Variants in PANX1 observed in about 807,000 individuals in gnomAD.
PANX1 encodes the protein pannexin 1.
Under a neutral mutation model 38.7 loss-of-function variants are expected in PANX1, and 30 were observed. The observed-to-expected ratio is 0.78, with a 90% CI of 0.58 to 1.05. PANX1 has a LOEUF of 1.05. Ranked by LOEUF, PANX1 falls within the 50% of genes least tolerant of loss-of-function variation. PANX1 has a pLI of 0.00. For synonymous variants in PANX1, 230 were observed against 212.2 expected, an observed-to-expected ratio of 1.08 and a Z score of -0.73; for missense variants, 551 against 517.2, an observed-to-expected ratio of 1.07 and a Z score of -0.63.
chr11:94,177,531 A>G (rs1234084158), intron 2 of PANX1, among the ~76,000 whole-genome samples: 2 of 152,170 alleles, frequency 1.3e-5, no homozygotes, highest in African/African-American at 2.4e-5. Context: ...CCAAGGCCGC[A>G]ATGCTGAGCT....
intron 2 of PANX1, among the ~76,000 whole-genome samples, chr11:94,163,896 C>T (rs1947074636): frequency 6.6e-6 from 1 of 152,110 alleles, no homozygotes; most frequent in Non-Finnish European, 1.5e-5. Flanking sequence ...TTATTACTGC[C>T]TCTCCCTTGT....
chr11:94,129,503 G>A lies in PANX1; in HGVS notation c.181+10G>A, dbSNP rs371580391. 1.2e-6 allele frequency: 2 copies of A among 1,601,192 alleles called. No individual in the cohort carries two copies. Among genetic ancestry groups the A allele is most frequent in the South Asian group, 2.2e-5 (2 of 89,896 alleles). On this transcript the variant is annotated intron_variant, in intron 1 of 4. Transcript: ENST00000227638. ...CAGGAGATCTCGATTGGTAAGCCTC[G>A]CCCAGGACGGAGGGGAGTGGCCGCC...
At chr11:94,135,821 G>A (rs1052773132) in intron 1 of PANX1, among the ~76,000 whole-genome samples, 1 of 152,140 alleles carries the variant, frequency 6.6e-6, no homozygotes, top group Non-Finnish European at 1.5e-5. Context: ...TTAGCATAAC[G>A]TGTACACCTT....
chr11:94,160,299 G>A (rs1021324682), intron 2 of PANX1, among the ~76,000 whole-genome samples: 18 of 152,080 alleles, frequency 1.2e-4, no homozygotes, highest in Admixed American at 4.6e-4. Flanking sequence ...TTTCTGTCTC[G>A]TTGCTCTGTC....
At chr11:94,139,543 G>C (rs1946736702) in intron 1 of PANX1, among the ~76,000 whole-genome samples, 2 of 152,190 alleles carry the variant, frequency 1.3e-5, no homozygotes, top group African/African-American at 4.8e-5. Flanking sequence ...GGTCACTGAT[G>C]GCAGTGGTCT....
intron 2 of PANX1, among the ~76,000 whole-genome samples, chr11:94,156,655 T>C (rs890051733): frequency 2.0e-5 from 3 of 152,052 alleles, no homozygotes; most frequent in Non-Finnish European, 4.4e-5. Flanking sequence ...ATAAATCCTT[T>C]CTGGAGGATT....
At chr11:94,141,078 G>T (rs1224012733) in intron 1 of PANX1, among the ~76,000 whole-genome samples, 2 of 152,144 alleles carry the variant, frequency 1.3e-5, no homozygotes, top group Non-Finnish European at 2.9e-5. Flanking sequence ...GTAGTATCGT[G>T]AACATAGTTT....
intron 2 of PANX1, among the ~76,000 whole-genome samples, chr11:94,172,249 C>T (rs901256467): frequency 2.0e-5 from 3 of 151,542 alleles, no homozygotes; most frequent in African/African-American, 7.3e-5. Context: ...ATCGGCTTCC[C>T]AGGAGATTCT....
At position 94,169,340 on chromosome 11, in the gene PANX1, G is replaced by A. The variant is rs1417670114; in HGVS notation, c.322-9029G>A. Among the ~76,000 whole-genome samples, 2 of 151,494 alleles carry A rather than the reference G, an allele frequency of 1.3e-5. 1 individual carries two copies. The highest frequency in any genetic ancestry group is 4.9e-5 in the African/African-American group (2 of 40,832). On this transcript the variant is annotated intron_variant, in intron 2 of 4. Coordinates refer to ENST00000227638, the MANE Select transcript of PANX1 (RefSeq NM_015368.4). ...CTTGAAAGGCAGGGTATCTTGTAAA[G>A]AAAGATGGTGTCAATGTGATAACCT... is the stretch of plus-strand genomic sequence containing the variant.
intron 2 of PANX1, among the ~76,000 whole-genome samples, chr11:94,164,915 T>C (rs1947086170): frequency 6.6e-6 from 1 of 152,260 alleles, no homozygotes; most frequent in Non-Finnish European, 1.5e-5. Context: ...GATCCCGTTA[T>C]CATTATATAA....
Position 94,178,370 on chromosome 11 carries a change from T to G in PANX1, c.323T>G (p.Phe108Cys), listed in dbSNP as rs538216022. 10 of 1,613,492 alleles carry G rather than the reference T, an allele frequency of 6.2e-6. No individual in the cohort carries two copies. The South Asian group carries it at 1.1e-4, about 18-fold the overall frequency. The part of the protein sequence containing the change: ...SGNLPLWLHK[F>C]FPYILLLFAI... ...ATGATTTGTTCTCTTGTTTTTCAGT[T>G]TTTCCCCTACATCCTGCTGCTCTTT... Residue 108 changes from phenylalanine to cysteine, a missense_variant and splice_region_variant, in exon 3 of 5, where the codon TTT (phenylalanine) becomes TGT (cysteine). Transcript: ENST00000227638.
At chr11:94,136,039 A>G (rs1490422968) in intron 1 of PANX1, among the ~76,000 whole-genome samples, 1 of 152,194 alleles carries the variant, frequency 6.6e-6, no homozygotes, top group Non-Finnish European at 1.5e-5. Flanking sequence ...TTCTACTCAC[A>G]CATAAAGCTT....
chr11:94,144,950 T>C (rs1006203136), intron 1 of PANX1, among the ~76,000 whole-genome samples: 1 of 152,192 alleles, frequency 6.6e-6, no homozygotes, highest in African/African-American at 2.4e-5. Context: ...TCCTGTCTTA[T>C]AGTAGTATTC....
chr11:94,158,332 C>G (rs1048125599), intron 2 of PANX1, among the ~76,000 whole-genome samples: 16 of 152,100 alleles, frequency 1.1e-4, no homozygotes, highest in African/African-American at 3.9e-4. Flanking sequence ...TATAAATTAC[C>G]TTGGGCAGTA....
At position 94,151,746 on chromosome 11, in the gene PANX1, C is replaced by A. The variant is rs193023032; in HGVS notation, c.182-1745C>A. ...ATGGGATAAGACAGTCAGAAGGGAC[C>A]TTGAAATATCTTACCTGTCCCCCAC... On this transcript the variant is annotated intron_variant, in intron 1 of 4. Coordinates refer to ENST00000227638, the MANE Select transcript of PANX1 (RefSeq NM_015368.4). Among the ~76,000 whole-genome samples the A allele has an allele frequency of 2.6e-5, 4 of 152,272 alleles. No individual in the cohort carries two copies. The East Asian group carries it at 7.7e-4, about 29-fold the overall frequency.
chr11:94,174,112 G>C (rs1947201653), intron 2 of PANX1, among the ~76,000 whole-genome samples: 1 of 151,244 alleles, frequency 6.6e-6, no homozygotes, highest in South Asian at 2.1e-4. Context: ...TTGGCCTTCT[G>C]ATAAGGACAC....
intron 1 of PANX1, among the ~76,000 whole-genome samples, chr11:94,151,202 T>A (rs1012230637): frequency 6.6e-6 from 1 of 152,168 alleles, no homozygotes; most frequent in Non-Finnish European, 1.5e-5. Context: ...GACCATTTCT[T>A]AAGAGCTTCA....
intron 1 of PANX1, among the ~76,000 whole-genome samples, chr11:94,136,156 T>C (rs1426857842): frequency 1.3e-5 from 2 of 152,054 alleles, no homozygotes; most frequent in East Asian, 1.9e-4. Context: ...ATTTTCCGAA[T>C]AGTTTTGCAT....
rs1032968464 is a variant in PANX1 at position 94,179,964 on chromosome 11, C to T, written c.908C>T (p.Thr303Ile). ...YTLFVPFRQK[T>I]DVLKVYEILP... ...CTGTTTGTTCCATTCCGACAGAAGA[C>T]AGATGTTCTCAAAGTGTACGAAATC... Residue 303 changes from threonine (T) to isoleucine (I), a missense_variant, in exon 4 of 5, where the codon ACA (threonine) becomes ATA (isoleucine). Thr to Ile is a moderately conservative substitution (Grantham distance 89). Transcript: ENST00000227638. 1.9e-6 allele frequency: 3 copies of T among 1,598,696 alleles called. No homozygotes were observed. Among genetic ancestry groups the T allele is most frequent in the Non-Finnish European group, 2.6e-6 (3 of 1,170,042 alleles).
Sources: allele counts gnomAD v4.1 joint callset (sites outside exome capture counted in the v4.1 genomes callset), GRCh38; gene constraint gnomAD v4.1.1; transcripts MANE v1.5; gene names NCBI Gene and HGNC (gene_info 2026-07-23, HGNC 2026-07-21).